Variants in HECW2 observed in about 807,000 individuals in gnomAD.
HECW2 encodes the protein HECT, C2 and WW domain containing E3 ubiquitin protein ligase 2.
Under a neutral mutation model 175.2 loss-of-function variants are expected in HECW2, and 61 were observed. The observed-to-expected ratio is 0.35, with a 90% CI of 0.28 to 0.43. The LOEUF (loss-of-function observed/expected upper bound fraction) is 0.43, where lower values mean the gene tolerates loss of function less well. HECW2 is among the 20% of genes least tolerant of loss of function. HECW2 has a pLI of 1.00. For missense variants in HECW2, 1,524 were observed against 2,000.5 expected, an observed-to-expected ratio of 0.76 and a Z score of 4.54; for synonymous variants, 671 against 731.0, an observed-to-expected ratio of 0.92 and a Z score of 1.32.
intron 10 of HECW2, chr2:196,317,022 A>T (rs1390349580): frequency 2.3e-6 from 1 of 437,122 alleles, no homozygotes; most frequent in Admixed American, 3.4e-5. Context: ...AAATATCTGG[A>T]TCTACCTCCA....
chr2:196,448,516 G>A (rs1696253411), intron 1 of HECW2, among the ~76,000 whole-genome samples: 1 of 152,158 alleles, frequency 6.6e-6, no homozygotes, highest in East Asian at 1.9e-4. Flanking sequence ...AAAATTTGGG[G>A]AGAAAGACGT....
chr2:196,371,172 G>C (rs1693899082), intron 2 of HECW2, among the ~76,000 whole-genome samples: 2 of 152,068 alleles, frequency 1.3e-5, no homozygotes, highest in Admixed American at 6.6e-5. Flanking sequence ...GGTACTCTTT[G>C]AACCACATTT....
In HECW2 at chr2:196,517,346, C is replaced by T. The variant is rs148799538; in HGVS notation, c.-36+76162G>A. On this transcript the variant is annotated intron_variant, in intron 1 of 28. Coordinates refer to ENST00000644978, the MANE Select transcript of HECW2 (RefSeq NM_001348768.2). Reference sequence around the variant, plus strand: ...TTAGAGAAGAATCATACCCTTTATACTAAATCACTTTCAAACTAAATTACC... The same window carrying T: ...TTAGAGAAGAATCATACCCTTTATATTAAATCACTTTCAAACTAAATTACC... Among the ~76,000 whole-genome samples, 90 of 152,266 alleles carry T rather than the reference C, an allele frequency of 5.9e-4. No individual in the cohort carries two copies. In the East Asian group the frequency reaches 9.3e-3, roughly 16 times the overall value.
chr2:196,389,490 C>T (rs1214621965), intron 2 of HECW2, among the ~76,000 whole-genome samples: 3 of 152,150 alleles, frequency 2.0e-5, no homozygotes, highest in Non-Finnish European at 4.4e-5. Flanking sequence ...AAGCCCTCTG[C>T]CTTCTACGGC....
At chr2:196,295,594 T>C (rs1028801969) in intron 13 of HECW2, among the ~76,000 whole-genome samples, 1 of 152,196 alleles carries the variant, frequency 6.6e-6, no homozygotes, top group Non-Finnish European at 1.5e-5. Context: ...TCTAAATAGG[T>C]ATACCTCTTT....
At chr2:196,489,230 A>G (rs1020737633) in intron 1 of HECW2, among the ~76,000 whole-genome samples, 7 of 152,196 alleles carry the variant, frequency 4.6e-5, no homozygotes, top group Non-Finnish European at 1.0e-4. Flanking sequence ...ATATTTTTAA[A>G]TAGTGCTTTG....
chr2:196,301,706 C>T (rs1157964535), intron 13 of HECW2, among the ~76,000 whole-genome samples: 1 of 149,170 alleles, frequency 6.7e-6, no homozygotes, highest in Non-Finnish European at 1.5e-5. Context: ...ATATCCTCTG[C>T]CCACTTTTTA....
At chr2:196,415,682 G>T (rs1228079273) in intron 2 of HECW2, among the ~76,000 whole-genome samples, 2 of 152,216 alleles carry the variant, frequency 1.3e-5, no homozygotes, top group Non-Finnish European at 2.9e-5. Context: ...GGTTGGAGAT[G>T]AAGCTTTCTG....
intron 1 of HECW2, among the ~76,000 whole-genome samples, chr2:196,447,683 T>C (rs1343956812): frequency 6.6e-6 from 1 of 152,208 alleles, no homozygotes. Context: ...TCTTTATGAC[T>C]GTAGTGAGAA....
chr2:196,234,734 C>A (rs1331444021), intron 21 of HECW2, among the ~76,000 whole-genome samples: 1 of 152,154 alleles, frequency 6.6e-6, no homozygotes, highest in Admixed American at 6.5e-5. Flanking sequence ...TGTAGTATTT[C>A]ATTGACCTCA....
At chr2:196,207,309 AT>A (rs774307636) in intron 28 of HECW2, among the ~76,000 whole-genome samples, 3 of 152,250 alleles carry the variant, frequency 2.0e-5, no homozygotes, top group Non-Finnish European at 4.4e-5. Flanking sequence ...TACCAATTAA[AT>A]AGAGTGATCG....
intron 15 of HECW2, among the ~76,000 whole-genome samples, chr2:196,275,461 G>C (rs1689908137): frequency 6.6e-6 from 1 of 151,946 alleles, no homozygotes; most frequent in Admixed American, 6.6e-5. Flanking sequence ...TAAGAATGCG[G>C]GAAATGTGTG....
intron 2 of HECW2, among the ~76,000 whole-genome samples, chr2:196,364,294 C>T (rs1399737074): frequency 6.6e-6 from 1 of 152,212 alleles, no homozygotes; most frequent in Non-Finnish European, 1.5e-5. Flanking sequence ...CAGCATAAGA[C>T]ACTATCATAA....
chr2:196,509,762 C>T (rs1008318112), intron 1 of HECW2, among the ~76,000 whole-genome samples: 7 of 152,260 alleles, frequency 4.6e-5, no homozygotes, highest in Admixed American at 4.6e-4. Context: ...GCAATTAGTC[C>T]AGTCCATCAT....
chr2:196,391,127 T>A (rs1694496899), intron 2 of HECW2, among the ~76,000 whole-genome samples: 1 of 152,140 alleles, frequency 6.6e-6, no homozygotes, highest in African/African-American at 2.4e-5. Flanking sequence ...AGAGTAAGAC[T>A]GGAATATTTA....
At chr2:196,418,602 G>C (rs2125241735) in intron 2 of HECW2, among the ~76,000 whole-genome samples, 1 of 152,128 alleles carries the variant, frequency 6.6e-6, no homozygotes, top group East Asian at 1.9e-4. Context: ...ACTGCTTAGA[G>C]CAACAGATGC....
intron 2 of HECW2, among the ~76,000 whole-genome samples, chr2:196,398,257 A>C (rs558613846): frequency 6.6e-6 from 1 of 152,380 alleles, no homozygotes; most frequent in Admixed American, 6.5e-5. Context: ...TTAATGGTTA[A>C]GGGTTTTGAA....
chr2:196,220,784 A>T lies in HECW2; in HGVS notation c.4293+11T>A, dbSNP rs749966170. ...AGACTGCAAACTCCTCCTACTGCTGATTGTCTTTACCTCATAGAAGCCACG... is the reference window on the plus strand; with the variant it reads ...AGACTGCAAACTCCTCCTACTGCTGTTTGTCTTTACCTCATAGAAGCCACG... On this transcript the variant is annotated intron_variant, in intron 25 of 28. Coordinates refer to ENST00000644978, the MANE Select transcript of HECW2 (RefSeq NM_001348768.2). 17 of 1,613,714 alleles carry T rather than the reference A, an allele frequency of 1.1e-5. No homozygotes were observed. In the Admixed American group the frequency reaches 2.7e-4, roughly 25 times the overall value.
chr2:196,497,766 C>A (rs1047086869), intron 1 of HECW2, among the ~76,000 whole-genome samples: 1 of 152,206 alleles, frequency 6.6e-6, no homozygotes, highest in African/African-American at 2.4e-5. Context: ...CAAAACCTAG[C>A]CATAGAGAAG....
Sources: allele counts gnomAD v4.1 joint callset (sites outside exome capture counted in the v4.1 genomes callset), GRCh38; gene constraint gnomAD v4.1.1; transcripts MANE v1.5; gene names NCBI Gene and HGNC (gene_info 2026-07-23, HGNC 2026-07-21).